The following RBFOX1 variants were observed in gnomAD, a reference collection of about 807,000 sequenced individuals.
RBFOX1 encodes the protein RNA binding fox-1 homolog 1, also known as RNA binding protein fox-1 homolog 1.
RBFOX1 carries 8 observed loss-of-function variants against 57.7 expected under a neutral mutation model. That is an observed-to-expected ratio of 0.14 (90% CI 0.08 to 0.25). The LOEUF (loss-of-function observed/expected upper bound fraction) is 0.25. RBFOX1 is among the 10% of genes least tolerant of loss of function. RBFOX1 has a pLI of 1.00. For missense variants in RBFOX1, 611 were observed against 548.5 expected (o/e 1.11, Z -1.14); for synonymous variants, 326 against 222.4 (o/e 1.47, Z -4.15).
rs536209965 is a variant in RBFOX1 at position 6,694,019 on chromosome 16, A to T, written c.-16+39369A>T. On this transcript the variant is annotated intron_variant, in intron 3 of 15. Transcript: ENST00000550418. The stretch of plus-strand genomic sequence containing the variant: ...TACTTTGTTACAAGTTTAGTTTTCT[A>T]TTGTAATATAGGCATGTGTTTGTCA... Among the ~76,000 whole-genome samples, 4 of 152,366 alleles carry T rather than the reference A, an allele frequency of 2.6e-5. No homozygotes were observed. In the South Asian group the frequency reaches 8.3e-4, roughly 32 times the overall value.
chr16:6,539,251 G>A (rs1367909085), intron 2 of RBFOX1, among the ~76,000 whole-genome samples: 1 of 152,128 alleles, frequency 6.6e-6, no homozygotes. Flanking sequence ...CCACTTGGTA[G>A]TGTGTATAAG....
intron 2 of RBFOX1, among the ~76,000 whole-genome samples, chr16:6,478,283 C>T (rs1158556032): frequency 1.5e-5 from 2 of 137,608 alleles, no homozygotes; most frequent in East Asian, 2.1e-4. Flanking sequence ...AGTGCAGTGG[C>T]GTGATCTCAG....
intron 4 of RBFOX1, among the ~76,000 whole-genome samples, chr16:7,400,638 G>A (rs1335167690): frequency 6.6e-6 from 1 of 152,190 alleles, no homozygotes; most frequent in Admixed American, 6.5e-5. Context: ...CTAAATTTGA[G>A]TCTGCTCATT....
intron 5 of RBFOX1, among the ~76,000 whole-genome samples, chr16:7,551,336 C>T: frequency 6.6e-6 from 1 of 152,020 alleles, no homozygotes; most frequent in East Asian, 1.9e-4. Context: ...ATGAGGCATC[C>T]ACAGAGGGGA....
At chr16:5,413,509 A>G (rs1174835417) in intron 1 of RBFOX1, among the ~76,000 whole-genome samples, 3 of 152,196 alleles carry the variant, frequency 2.0e-5, no homozygotes, top group African/African-American at 7.2e-5. Context: ...GTTCATTGCT[A>G]CCACAGCTGA....
chr16:7,249,615 G>A (rs961091505), intron 4 of RBFOX1, among the ~76,000 whole-genome samples: 1 of 149,122 alleles, frequency 6.7e-6, no homozygotes, highest in Non-Finnish European at 1.5e-5. Flanking sequence ...AAAAAAAAGA[G>A]CCTGTAAGAA....
intron 3 of RBFOX1, among the ~76,000 whole-genome samples, chr16:6,788,153 C>T (rs753834033): frequency 1.3e-5 from 2 of 152,064 alleles, no homozygotes; most frequent in African/African-American, 2.4e-5. Context: ...ACCTGGGAGG[C>T]GGATGTTGGA....
chr16:6,660,022 C>T (rs140846375), intron 3 of RBFOX1, among the ~76,000 whole-genome samples: 2,407 of 151,940 alleles, frequency 0.016, 29 homozygotes, highest in Middle Eastern at 0.031. Context: ...ATCAGGAGTT[C>T]GAGACCACCA....
chr16:6,330,998 C>G (rs1451467706), intron 2 of RBFOX1, among the ~76,000 whole-genome samples: 1 of 152,206 alleles, frequency 6.6e-6, no homozygotes, highest in African/African-American at 2.4e-5. Flanking sequence ...CATCAAGGTA[C>G]AGACTTCAGA....
intron 3 of RBFOX1, among the ~76,000 whole-genome samples, chr16:6,788,879 T>C (rs1399625424): frequency 6.6e-6 from 1 of 152,130 alleles, no homozygotes; most frequent in Non-Finnish European, 1.5e-5. Flanking sequence ...ATACTGTCAC[T>C]CTGTAGCTAA....
chr16:5,958,787 C>G (rs1053054029), intron 4 of RBFOX1, among the ~76,000 whole-genome samples: 2 of 152,188 alleles, frequency 1.3e-5, no homozygotes, highest in Non-Finnish European at 2.9e-5. Context: ...ACCCACATTC[C>G]TTGGCTGGTA....
chr16:5,753,495 C>A (rs181359418), intron 3 of RBFOX1, among the ~76,000 whole-genome samples: 1 of 152,150 alleles, frequency 6.6e-6, no homozygotes, highest in Non-Finnish European at 1.5e-5. Flanking sequence ...TCTAAATATG[C>A]GGCAACGGAG....
At chr16:6,203,811 A>G (rs999818812) in intron 1 of RBFOX1, among the ~76,000 whole-genome samples, 1 of 152,134 alleles carries the variant, frequency 6.6e-6, no homozygotes, top group East Asian at 1.9e-4. Flanking sequence ...AAAAACTTAA[A>G]AATAGAAATA....
chr16:7,183,463 G>GT (rs976888890), intron 4 of RBFOX1, among the ~76,000 whole-genome samples: 55 of 152,296 alleles, frequency 3.6e-4, no homozygotes, highest in African/African-American at 1.3e-3. Flanking sequence ...TTATTAAATA[G>GT]TGAAACCTTC....
At chr16:6,556,097 A>T (rs563002556) in intron 2 of RBFOX1, among the ~76,000 whole-genome samples, 4 of 152,142 alleles carry the variant, frequency 2.6e-5, no homozygotes, top group Non-Finnish European at 4.4e-5. Flanking sequence ...TAAATCTTCT[A>T]TTCCTCCAGA....
chr16:6,415,995 C>A (rs376995485), intron 2 of RBFOX1, among the ~76,000 whole-genome samples: 1 of 152,286 alleles, frequency 6.6e-6, no homozygotes, highest in South Asian at 2.1e-4. Context: ...CACCTGCCAG[C>A]GTTGTCATCC....
chr16:5,909,916 G>T (rs1190596599), intron 4 of RBFOX1, among the ~76,000 whole-genome samples: 1 of 152,074 alleles, frequency 6.6e-6, no homozygotes, highest in Non-Finnish European at 1.5e-5. Flanking sequence ...AGCCGGGTGT[G>T]GTGGCAGGCA....
chr16:7,481,743 A>G (rs771274867), intron 4 of RBFOX1, among the ~76,000 whole-genome samples: 6 of 152,236 alleles, frequency 3.9e-5, no homozygotes, highest in Admixed American at 2.0e-4. Flanking sequence ...TAAACCCATC[A>G]TAAGTAGAAA....
intron 1 of RBFOX1, among the ~76,000 whole-genome samples, chr16:6,265,410 C>A (rs2074359927): frequency 6.6e-6 from 1 of 151,844 alleles, no homozygotes; most frequent in Non-Finnish European, 1.5e-5. Context: ...TACAGGTGAG[C>A]ACCACCGTGC....
Sources: allele counts gnomAD v4.1 joint callset (sites outside exome capture counted in the v4.1 genomes callset), GRCh38; gene constraint gnomAD v4.1.1; transcripts MANE v1.5; gene names NCBI Gene and HGNC (gene_info 2026-07-23, HGNC 2026-07-21).